The following LARGE1 variants were observed in gnomAD, a reference collection of about 807,000 sequenced individuals.
LARGE1 encodes the protein LARGE xylosyl- and glucuronyltransferase 1, also known as xylosyl- and glucuronyltransferase LARGE1.
A neutral mutation model predicts 87.6 loss-of-function variants in LARGE1; 43 were observed. The observed-to-expected ratio is 0.49, with a 90% CI of 0.38 to 0.63. The LOEUF is 0.63. Among genes scored for constraint, LARGE1 ranks in the 30% least tolerant of loss-of-function variants. The pLI, the probability that LARGE1 is intolerant of heterozygous loss-of-function variation, is 0.00. For synonymous variants in LARGE1, 434 were observed against 394.6 expected, an observed-to-expected ratio of 1.10 and a Z score of -1.18; for missense variants, 802 against 1,000.2, an observed-to-expected ratio of 0.80 and a Z score of 2.67.
intron 9 of LARGE1, among the ~76,000 whole-genome samples, chr22:33,380,559 T>G (rs565772566): frequency 6.6e-6 from 1 of 152,282 alleles, no homozygotes; most frequent in South Asian, 2.1e-4. Context: ...AGACTAACTA[T>G]TGGATATGAT....
the LARGE1 span, among the ~76,000 whole-genome samples, chr22:33,096,415 C>CAAAA: frequency 1.9e-4 from 12 of 62,948 alleles, no homozygotes; most frequent in African/African-American, 5.8e-4. Context: ...AACTCCATCT[C>CAAAA]AAAAAAAAAA....
chr22:33,901,734 G>A (rs759435455), intron 1 of LARGE1, among the ~76,000 whole-genome samples: 3 of 152,194 alleles, frequency 2.0e-5, no homozygotes, highest in Non-Finnish European at 4.4e-5. Flanking sequence ...AATCGATGTT[G>A]GCAGATAAAG....
At chr22:33,096,740 T>C in the LARGE1 span, among the ~76,000 whole-genome samples, 1 of 151,920 alleles carries the variant, frequency 6.6e-6, no homozygotes, top group South Asian at 2.1e-4. Context: ...AATTTTTTTG[T>C]ATTTTCAGTA....
chr22:33,703,160 G>A (rs1479806973), intron 2 of LARGE1, among the ~76,000 whole-genome samples: 1 of 152,078 alleles, frequency 6.6e-6, no homozygotes, highest in East Asian at 1.9e-4. Flanking sequence ...ATGGACACAA[G>A]GAGGGGAACA....
chr22:33,381,884 C>A (rs750354549), intron 9 of LARGE1, 35 bp downstream of exon 9: 1 of 1,613,488 alleles, frequency 6.2e-7, no homozygotes. Context: ...GCCCACCTCA[C>A]CCTACCTCCA....
intron 1 of LARGE1, among the ~76,000 whole-genome samples, chr22:33,803,212 T>G (rs2086215855): frequency 6.6e-6 from 1 of 152,144 alleles, no homozygotes; most frequent in Non-Finnish European, 1.5e-5. Context: ...TCCCTCAATG[T>G]TCTAGGGGTT....
At chr22:33,249,248 A>C in intron 11 of LARGE1, among the ~76,000 whole-genome samples, 1 of 152,202 alleles carries the variant, frequency 6.6e-6, no homozygotes, top group East Asian at 1.9e-4. Flanking sequence ...ATAGCTGTGT[A>C]GTGGCATATC....
At chr22:33,393,808 G>A (rs978747921) in intron 7 of LARGE1, among the ~76,000 whole-genome samples, 1 of 152,200 alleles carries the variant, frequency 6.6e-6, no homozygotes, top group African/African-American at 2.4e-5. Flanking sequence ...CATGTGACCC[G>A]CAGCACTTTA....
chr22:33,391,291 C>T (rs949971590), intron 7 of LARGE1, among the ~76,000 whole-genome samples: 1 of 152,114 alleles, frequency 6.6e-6, no homozygotes, highest in African/African-American at 2.4e-5. Flanking sequence ...AAAACACAGT[C>T]CTTGTTCTCA....
intron 5 of LARGE1, among the ~76,000 whole-genome samples, chr22:33,586,389 G>C (rs1328936471): frequency 6.6e-6 from 1 of 151,952 alleles, no homozygotes; most frequent in African/African-American, 2.4e-5. Flanking sequence ...CAAACCCCAT[G>C]GTATGCTGCA....
At chr22:33,888,859 T>C (rs1320793409) in intron 1 of LARGE1, among the ~76,000 whole-genome samples, 1 of 152,090 alleles carries the variant, frequency 6.6e-6, no homozygotes, top group Non-Finnish European at 1.5e-5. Context: ...TCTGTCTCAA[T>C]AACAAAACAA....
At chr22:33,730,999 ATTTTTT>A (rs376692050) in intron 2 of LARGE1, among the ~76,000 whole-genome samples, 21 of 115,974 alleles carry the variant, frequency 1.8e-4, no homozygotes, top group South Asian at 5.5e-4. Context: ...CCAGCCTGCA[ATTTTTT>A]TTTTTTTTTT....
At chr22:33,710,069 C>T (rs1459346937) in intron 2 of LARGE1, among the ~76,000 whole-genome samples, 1 of 150,012 alleles carries the variant, frequency 6.7e-6, no homozygotes, top group East Asian at 2.0e-4. Flanking sequence ...GAAAATGCTA[C>T]TGCCGTTCAA....
At chr22:33,370,920 T>C (rs1414746480) in intron 9 of LARGE1, among the ~76,000 whole-genome samples, 1 of 149,852 alleles carries the variant, frequency 6.7e-6, no homozygotes, top group African/African-American at 2.4e-5. Flanking sequence ...AGTATTCATA[T>C]AACATAACAT....
upstream of LARGE1, among the ~76,000 whole-genome samples, chr22:33,922,056 T>TC (rs2065961609): frequency 6.6e-6 from 1 of 151,514 alleles, no homozygotes; most frequent in Non-Finnish European, 1.5e-5. Context: ...GGGGTCCCCT[T>TC]CCCCCCGGGT....
chr22:33,314,770 A>T (rs1038530900), intron 11 of LARGE1, among the ~76,000 whole-genome samples: 2 of 152,190 alleles, frequency 1.3e-5, no homozygotes, highest in Non-Finnish European at 2.9e-5. Context: ...ACTGTGGGCC[A>T]TGTGTAAATT....
chr22:33,243,193 C>A (rs756415347), intron 11 of LARGE1, among the ~76,000 whole-genome samples: 3 of 152,162 alleles, frequency 2.0e-5, no homozygotes, highest in Non-Finnish European at 4.4e-5. Flanking sequence ...TTAACAATAA[C>A]CATTGAAAAC....
chr22:33,565,828 G>A (rs941853038), intron 5 of LARGE1, among the ~76,000 whole-genome samples: 16 of 152,204 alleles, frequency 1.1e-4, no homozygotes, highest in African/African-American at 3.1e-4. Flanking sequence ...AGTCATCAGC[G>A]AGGTACACAC....
At chr22:33,543,121 G>A (rs1288321828) in intron 6 of LARGE1, among the ~76,000 whole-genome samples, 1 of 151,650 alleles carries the variant, frequency 6.6e-6, no homozygotes, top group Non-Finnish European at 1.5e-5. Context: ...TTTCCACTTT[G>A]ACACTAATTT....
Sources: gnomAD v4.1 joint callset for allele counts (sites outside exome capture counted in the v4.1 genomes callset) on GRCh38, gnomAD v4.1.1 for gene constraint, MANE v1.5 for transcripts, NCBI Gene and HGNC (gene_info 2026-07-23, HGNC 2026-07-21) for gene names.